MGAM: variants seen among roughly 807,000 people sequenced by gnomAD.
MGAM encodes alpha-1,4-glucosidase.
MGAM carries 253 observed loss-of-function variants against 358.8 expected under a neutral mutation model. That is an observed-to-expected ratio of 0.71 (90% CI 0.64 to 0.78). MGAM has a LOEUF of 0.78. Ranked by LOEUF, MGAM falls within the 30% of genes least tolerant of loss-of-function variation. MGAM has a pLI of 0.00. For missense variants in MGAM, 3,080 were observed against 3,432.6 expected (o/e 0.90, Z 2.57); for synonymous variants, 1,105 against 1,227.1 (o/e 0.90, Z 2.08).
chr7:142,051,856 T>C (rs571936561), intron 24 of MGAM, among the ~76,000 whole-genome samples: 3 of 152,204 alleles, frequency 2.0e-5, no homozygotes, highest in South Asian at 2.1e-4. Context: ...TACAGAAATG[T>C]GGGCATGATA....
At position 142,053,257 on chromosome 7, in the gene MGAM, G is replaced by A. The variant is rs551496674; in HGVS notation, c.3159+273G>A. Among the ~76,000 whole-genome samples the A allele has an allele frequency of 8.9e-4, 136 of 152,274 alleles. 1 individual carries two copies. Among genetic ancestry groups the A allele is most frequent in the Non-Finnish European group, 1.7e-3 (113 of 68,020 alleles). Reference sequence around the variant, plus strand: ...GGGAGGCTACCAGTTAGGCAGGTCAGTGGAGGGATTAGGTTTGGACTAGAC... The same window carrying A: ...GGGAGGCTACCAGTTAGGCAGGTCAATGGAGGGATTAGGTTTGGACTAGAC... On this transcript the variant is annotated intron_variant, in intron 26 of 70. Transcript: ENST00000475668.
At chr7:141,999,692 G>A (rs1173790833) in intron 1 of MGAM, among the ~76,000 whole-genome samples, 3 of 152,250 alleles carry the variant, frequency 2.0e-5, no homozygotes, top group South Asian at 2.1e-4. Flanking sequence ...TAAAAAAATA[G>A]TCAAAGATTA....
intron 12 of MGAM, among the ~76,000 whole-genome samples, chr7:142,031,376 A>G (rs1159129250): frequency 6.6e-6 from 1 of 152,182 alleles, no homozygotes; most frequent in African/African-American, 2.4e-5. Context: ...CTCTTCCCCC[A>G]TTTACTATTC....
At chr7:142,036,127 AG>A in intron 16 of MGAM, 41 bp from the exon 17 acceptor site, 1 of 1,397,274 alleles carries the variant, frequency 7.2e-7, no homozygotes, top group Non-Finnish European at 1.0e-6. Context: ...GAGGGTGGTT[AG>A]AAGGAAGTGA....
intron 2 of MGAM, among the ~76,000 whole-genome samples, chr7:141,988,740 A>G (rs571843553): frequency 6.6e-6 from 1 of 152,304 alleles, no homozygotes; most frequent in Non-Finnish European, 1.5e-5. Flanking sequence ...TTGTGTGTGC[A>G]TGTGTTCTTA....
chr7:141,999,440 G>T (rs1554449988), intron 1 of MGAM, among the ~76,000 whole-genome samples: 1 of 152,160 alleles, frequency 6.6e-6, no homozygotes, highest in African/African-American at 2.4e-5. Flanking sequence ...GGAGTCCAAA[G>T]GGCAGGTGTT....
chr7:142,019,459 G>C (rs879953178), intron 4 of MGAM, 140 bp downstream of exon 4: 10 of 915,020 alleles, frequency 1.1e-5, no homozygotes, highest in Non-Finnish European at 1.5e-5. Context: ...GCTCTTAATC[G>C]AGGACTAGAA....
At chr7:142,033,373 T>G (rs1807685924) in intron 14 of MGAM, among the ~76,000 whole-genome samples, 1 of 152,172 alleles carries the variant, frequency 6.6e-6, no homozygotes, top group Non-Finnish European at 1.5e-5. Flanking sequence ...TCAGTGAACG[T>G]GATGATACTC....
Position 142,011,087 on chromosome 7 carries a change from G to GC in MGAM, c.327+2385dup, listed in dbSNP as rs1290050498. 4.6e-5 allele frequency among the ~76,000 whole-genome samples: 7 copies of GC among 152,136 alleles called. No homozygotes were observed. The East Asian group carries it at 1.2e-3, about 25-fold the overall frequency. ...TACGTGCTTAAAGATAAACCCGCAT[G>GC]CCCTAAGTAAATGTTGCAGAGTAAT... On this transcript the variant is annotated intron_variant, in intron 3 of 70. Coordinates refer to ENST00000475668, the MANE Select transcript of MGAM (RefSeq NM_001365693.1).
intron 3 of MGAM, among the ~76,000 whole-genome samples, chr7:142,016,511 T>G (rs1466860330): frequency 1.3e-5 from 2 of 152,232 alleles, no homozygotes; most frequent in African/African-American, 4.8e-5. Flanking sequence ...CTTGAAACTT[T>G]AATCATCATG....
chr7:142,094,321 C>T, intron 60 of MGAM, 43 bp from the exon 61 acceptor site: 1 of 1,494,568 alleles, frequency 6.7e-7, no homozygotes, highest in Non-Finnish European at 9.1e-7. Flanking sequence ...GCCTTTGCTT[C>T]CTGGCGGTGC....
At chr7:142,046,877 T>G (rs1810457465) in intron 21 of MGAM, among the ~76,000 whole-genome samples, 2 of 152,130 alleles carry the variant, frequency 1.3e-5, no homozygotes, top group Admixed American at 6.6e-5. Flanking sequence ...AATGTGCCTA[T>G]TTTTTCCTAT....
rs62477620 is a variant in MGAM at position 142,059,876 on chromosome 7, T to C, written c.3969T>C (p.Asn1323=). The C allele has an allele frequency of 0.19, 298,869 of 1,607,496 alleles. 28,047 individuals carry two copies. The highest frequency in any genetic ancestry group is 0.3 in the Middle Eastern group (1,793 of 6,038). Residue 1323 remains asparagine (N), a synonymous_variant, in exon 33 of 71, where the codon AAT becomes AAC. Coordinates refer to ENST00000475668, the MANE Select transcript of MGAM (RefSeq NM_001365693.1). ...ILILDPAISG[N]ETQPYPAFTR... is the part of the protein sequence containing the mutation. ...TTCAGGATCCAGCCATTTCTGGCAATGAGACACAGCCTTATCCTGCCTTCA... is the reference window on the plus strand; with the variant it reads ...TTCAGGATCCAGCCATTTCTGGCAACGAGACACAGCCTTATCCTGCCTTCA...
chr7:142,026,720 T>C (rs1807007992), intron 8 of MGAM, among the ~76,000 whole-genome samples: 1 of 152,158 alleles, frequency 6.6e-6, no homozygotes, highest in Non-Finnish European at 1.5e-5. Flanking sequence ...TGCTTTTTAT[T>C]GAGTTCTTTT....
intron 1 of MGAM, among the ~76,000 whole-genome samples, chr7:142,002,551 C>T (rs1343412788): frequency 6.6e-6 from 1 of 151,920 alleles, no homozygotes; most frequent in Non-Finnish European, 1.5e-5. Flanking sequence ...CCTTAAAAAC[C>T]TTGGCGTAGG....
Position 142,080,830 on chromosome 7 carries a change from C to A in MGAM, c.5887C>A (p.Pro1963Thr), listed in dbSNP as rs766631935. 1.3e-6 allele frequency: 2 copies of A among 1,556,088 alleles called. No homozygotes were observed. Among genetic ancestry groups the A allele is most frequent in the East Asian group, 2.3e-5 (1 of 43,950 alleles). The change falls in exon 50 of 71, where the codon CCT becomes ACT. Residue 1963 changes from proline to threonine, a missense_variant. Physicochemically the swap from Pro to Thr is conservative, Grantham distance 38. Around this residue, in one of 5 missense-constraint regions of MGAM, gnomAD observed 932 missense variants for 1,198.2 expected, o/e 0.78. Transcript: ENST00000475668. ...PNNNRYEVPV[P>T]LNIPSVPSST... ...CAACAATCGGTATGAAGTTCCAGTC[C>A]CTCTGAACATACCCAGCGTGCCATC...
At chr7:142,017,856 A>AT (rs1563115630) in intron 3 of MGAM, among the ~76,000 whole-genome samples, 1 of 152,212 alleles carries the variant, frequency 6.6e-6, no homozygotes, top group Non-Finnish European at 1.5e-5. Flanking sequence ...TCTCCTGAAA[A>AT]TGTGCTTAGA....
chr7:142,090,813 C>T (rs541412578), intron 57 of MGAM, among the ~76,000 whole-genome samples: 4 of 146,616 alleles, frequency 2.7e-5, no homozygotes, highest in East Asian at 4.0e-4. Flanking sequence ...TTTGCTGCTT[C>T]GAAGTGGTGT....
rs371537508 is a variant in MGAM, at chr7:142,050,599, G to T, written c.2638-98G>T. 2,473 of 1,253,852 alleles carry T rather than the reference G, an allele frequency of 2.0e-3. 45 individuals carry two copies. The South Asian group carries it at 0.02, about 10-fold the overall frequency. The allele number at this position is 1,253,852 out of a possible 1,614,324, so 77.7% of individuals were successfully genotyped here. A position where few individuals can be genotyped will look rare whatever the true frequency, so the allele number is the denominator to read the frequency against. On this transcript the variant is annotated intron_variant, in intron 23 of 70. Coordinates refer to ENST00000475668, the MANE Select transcript of MGAM (RefSeq NM_001365693.1). ...AGAAAGCAGAGAGGCATTTATGGCA[G>T]TGGGGGGTATCCGGTCTGGAATGGA...
Sources: gnomAD v4.1 joint callset for allele counts (sites outside exome capture counted in the v4.1 genomes callset) on GRCh38, gnomAD v4.1.1 for gene constraint, gnomAD v4.1.1 regional missense constraint, MANE v1.5 for transcripts, NCBI Gene and HGNC (gene_info 2026-07-23, HGNC 2026-07-21) for gene names.